Variants in ARID4B observed in about 807,000 individuals in gnomAD.
The protein encoded by ARID4B is AT-rich interaction domain 4B, also known as AT-rich interactive domain-containing protein 4B.
A neutral mutation model predicts 147.5 loss-of-function variants in ARID4B; 26 were observed. The ratio of observed to expected loss-of-function variants is 0.18; its 90% CI spans 0.13 to 0.24. The LOEUF (loss-of-function observed/expected upper bound fraction) is 0.24. Among genes scored for constraint, ARID4B ranks in the 10% least tolerant of loss-of-function variants. The pLI, the probability that ARID4B is intolerant of heterozygous loss-of-function variation, is 1.00. For missense variants in ARID4B, 1,179 were observed against 1,511.5 expected (o/e 0.78, Z 3.65); for synonymous variants, 512 against 507.9 (o/e 1.01, Z -0.11).
chr1:235,243,805 T>A (rs1008102147), intron 7 of ARID4B, among the ~76,000 whole-genome samples: 6 of 152,186 alleles, frequency 3.9e-5, no homozygotes, highest in Admixed American at 1.3e-4. Flanking sequence ...ACTGACAACG[T>A]ATACATACCT....
At chr1:235,294,741 T>A (rs886241331) in intron 2 of ARID4B, among the ~76,000 whole-genome samples, 3 of 151,540 alleles carry the variant, frequency 2.0e-5, no homozygotes, top group Non-Finnish European at 4.4e-5. Flanking sequence ...CTTGAACTCC[T>A]GACCTCAAGT....
intron 17 of ARID4B, among the ~76,000 whole-genome samples, chr1:235,211,498 G>A (rs1450250181): frequency 6.6e-6 from 1 of 152,136 alleles, no homozygotes; most frequent in African/African-American, 2.4e-5. Flanking sequence ...AAAATAATCA[G>A]AAAAACTAAA....
intron 2 of ARID4B, among the ~76,000 whole-genome samples, chr1:235,309,423 G>C (rs1277982975): frequency 6.7e-6 from 1 of 148,888 alleles, no homozygotes; most frequent in Admixed American, 6.6e-5. Flanking sequence ...GGAGGGAGGT[G>C]GGGGGGTCAG....
At chr1:235,273,839 C>T (rs967053531) in intron 2 of ARID4B, among the ~76,000 whole-genome samples, 1 of 152,178 alleles carries the variant, frequency 6.6e-6, no homozygotes, top group Non-Finnish European at 1.5e-5. Context: ...CGAATCAATT[C>T]TCCCACCACT....
At position 235,282,701 on chromosome 1, in the gene ARID4B, A is replaced by G. The variant is rs188989038; in HGVS notation, c.7-21949T>C. 7.0e-4 allele frequency among the ~76,000 whole-genome samples: 106 copies of G among 152,348 alleles called. 1 individual carries two copies. Among genetic ancestry groups the G allele is most frequent in the African/African-American group, 2.4e-3 (101 of 41,584 alleles). On this transcript the variant is annotated intron_variant, in intron 2 of 23. Transcript: ENST00000264183. ...CCTGAATTTTCAGAAAAATTAGAGA[A>G]AGAGAAAACAGGAATACTTAAAGAC...
intron 2 of ARID4B, 190 bp downstream of exon 2, chr1:235,326,724 A>G (rs909823141): frequency 1.2e-5 from 8 of 662,768 alleles, no homozygotes; most frequent in Admixed American, 9.8e-5. Flanking sequence ...GAGACATCCT[A>G]TAACTGCCTC....
intron 1 of ARID4B, 146 bp from the exon 2 acceptor site, chr1:235,327,114 C>G (rs1675334832): frequency 1.7e-6 from 1 of 604,740 alleles, no homozygotes; most frequent in Admixed American, 3.0e-5. Context: ...CACGCCGACT[C>G]GGGGCTCCCT....
chr1:235,291,337 G>A (rs1279753595), intron 2 of ARID4B, among the ~76,000 whole-genome samples: 1 of 152,076 alleles, frequency 6.6e-6, no homozygotes, highest in African/African-American at 2.4e-5. Flanking sequence ...GAACTTGGGA[G>A]GCAGAGGTTG....
intron 2 of ARID4B, among the ~76,000 whole-genome samples, chr1:235,269,169 A>AGAAT (rs773832734): frequency 2.0e-5 from 3 of 152,234 alleles, no homozygotes; most frequent in Non-Finnish European, 1.5e-5. Flanking sequence ...CATATTGACA[A>AGAAT]GAATGAATGA....
intron 2 of ARID4B, among the ~76,000 whole-genome samples, chr1:235,285,089 A>T (rs943334836): frequency 3.3e-5 from 5 of 151,984 alleles, no homozygotes; most frequent in Non-Finnish European, 7.4e-5. Flanking sequence ...GACTTTTTTT[A>T]AAATTTATTT....
chr1:235,167,847 A>T lies in ARID4B; in HGVS notation c.*678T>A. The T allele has an allele frequency of 5.1e-6, 1 of 196,172 alleles. No individual in the cohort carries two copies. Among genetic ancestry groups the T allele is most frequent in the Non-Finnish European group, 1.1e-5 (1 of 94,064 alleles). 12.2% of individuals were successfully genotyped at this position (196,172 alleles called of 1,614,324 possible). ...AAATTAAAAAAAAATACTGATTTAT[A>T]GAAAAATGGCAAAGTACAGTAGTTC... On this transcript the variant is annotated 3_prime_UTR_variant, in exon 24 of 24. Transcript: ENST00000264183.
rs1434948137 is a variant in ARID4B, at chr1:235,202,197, T to G, written c.1842-6082A>C. On this transcript the variant is annotated intron_variant, in intron 17 of 23. Transcript: ENST00000264183. ...GAAACAGCATTACTAAATGCTTCCA[T>G]TTAAAAAGAAATACTGAAATAAACA... 4.6e-5 allele frequency among the ~76,000 whole-genome samples: 7 copies of G among 151,898 alleles called. 1 individual carries two copies. Among genetic ancestry groups the G allele is most frequent in the African/African-American group, 1.7e-4 (7 of 41,380 alleles).
Position 235,283,244 on chromosome 1 carries a change from T to C in ARID4B, c.7-22492A>G, listed in dbSNP as rs1282238680. On this transcript the variant is annotated intron_variant, in intron 2 of 23. Transcript: ENST00000264183. ...AAGTGATTTTAAGGACATAATTCAC[T>C]AGAGGCAGGAAAAAGAGCTTAAATC... Among the ~76,000 whole-genome samples the C allele has an allele frequency of 2.0e-5, 3 of 152,172 alleles. 1 individual carries two copies. Among genetic ancestry groups the C allele is most frequent in the Admixed American group, 2.0e-4 (3 of 15,270 alleles).
chr1:235,300,464 T>C (rs1211475327), intron 2 of ARID4B, among the ~76,000 whole-genome samples: 1 of 151,680 alleles, frequency 6.6e-6, no homozygotes, highest in East Asian at 1.9e-4. Context: ...AAAATTGAGT[T>C]CAACTCTATG....
At chr1:235,250,348 A>C (rs1433720623) in intron 6 of ARID4B, among the ~76,000 whole-genome samples, 2 of 152,170 alleles carry the variant, frequency 1.3e-5, no homozygotes, top group East Asian at 1.9e-4. Context: ...AAAAACGTTA[A>C]AACTTTTAAA....
intron 23 of ARID4B, among the ~76,000 whole-genome samples, chr1:235,171,862 G>A (rs12749859): frequency 0.29 from 43,492 of 151,798 alleles, 7,466 homozygotes; most frequent in South Asian, 0.53. Flanking sequence ...AGCTGGTCTC[G>A]ACCTCCTGAC....
At chr1:235,303,245 A>G (rs893228228) in intron 2 of ARID4B, among the ~76,000 whole-genome samples, 3 of 152,108 alleles carry the variant, frequency 2.0e-5, no homozygotes, top group East Asian at 3.9e-4. Context: ...TTCTTAACCA[A>G]TGACGCTGTA....
Position 235,177,822 on chromosome 1 carries a change from G to A in ARID4B, c.3426C>T (p.Asn1142=). 6.2e-7 allele frequency: 1 copy of A among 1,610,094 alleles called. No individual in the cohort carries two copies. The highest frequency in any genetic ancestry group is 8.5e-7 in the Non-Finnish European group (1 of 1,178,004). ...QKRSHKATVV[N]NKKKGKGTNS... The stretch of plus-strand genomic sequence containing the variant: ...TACTGCCTTTTCCCTTCTTTTTGTT[G>A]TTTACCACTGTTGCTTTATGGCTTC... The change falls in exon 21 of 24, where the codon AAC becomes AAT. Residue 1142 remains asparagine, a synonymous_variant. Coordinates refer to ENST00000264183, the MANE Select transcript of ARID4B (RefSeq NM_016374.6).
At position 235,176,722 on chromosome 1, in the gene ARID4B, C is replaced by T. The variant is rs764253368; in HGVS notation, c.3448+1078G>A. 3.9e-4 allele frequency: 153 copies of T among 396,992 alleles called. 2 individuals carry two copies. Among genetic ancestry groups the T allele is most frequent in the Middle Eastern group, 1.7e-3 (2 of 1,148 alleles). The allele number at this position is 396,992 out of a possible 1,614,324, so 24.6% of individuals were successfully genotyped here. A position where few individuals can be genotyped will look rare whatever the true frequency, so the allele number is the denominator to read the frequency against. On this transcript the variant is annotated intron_variant, in intron 21 of 23. Coordinates refer to ENST00000264183, the MANE Select transcript of ARID4B (RefSeq NM_016374.6). The stretch of plus-strand genomic sequence containing the variant: ...CATGGCCTTGCTGAGCACAGCCGCC[C>T]GGGGCCCCAGGGACGCCATATTCAC...
Sources: allele counts gnomAD v4.1 joint callset (sites outside exome capture counted in the v4.1 genomes callset), GRCh38; gene constraint gnomAD v4.1.1; transcripts MANE v1.5; gene names NCBI Gene and HGNC (gene_info 2026-07-23, HGNC 2026-07-21).